TIPRL: variants seen among roughly 807,000 people sequenced by gnomAD.
TIPRL encodes TIP41-like protein.
A neutral mutation model predicts 32.3 loss-of-function variants in TIPRL; 10 were observed. The ratio of observed to expected loss-of-function variants is 0.31; its 90% CI spans 0.19 to 0.52. TIPRL has a LOEUF of 0.52. TIPRL is among the 20% of genes least tolerant of loss of function. The pLI is 0.96. For missense variants in TIPRL, 250 were observed against 328.1 expected (o/e 0.76, Z 1.84); for synonymous variants, 100 against 114.0 (o/e 0.88, Z 0.78).
chr1:168,198,985 A>C lies in TIPRL; in HGVS notation c.675+4A>C, dbSNP rs375564474. 7 of 1,607,402 alleles carry C rather than the reference A, an allele frequency of 4.4e-6. No homozygotes were observed. Among genetic ancestry groups the C allele is most frequent in the East Asian group, 2.2e-5 (1 of 44,672 alleles). ...AAGCAAAATTTCTAGTTTGATGGCAAGTACTTAAATTTCAGTTTTTAGAAG... is the reference window on the plus strand; with the variant it reads ...AAGCAAAATTTCTAGTTTGATGGCACGTACTTAAATTTCAGTTTTTAGAAG... On this transcript the variant is annotated splice_donor_region_variant and intron_variant, in intron 6 of 6. Transcript: ENST00000367833.
rs913855731 is a variant in TIPRL at position 168,201,497 on chromosome 1, T to C, written c.*1451T>C. On this transcript the variant is annotated 3_prime_UTR_variant, in exon 7 of 7. Transcript: ENST00000367833. The stretch of plus-strand genomic sequence containing the variant: ...AATTTGATATTTGTCTTCTGCCTTC[T>C]GTATCACCTCCAAGCTATAGGAAAT... 3.3e-5 allele frequency: 5 copies of C among 152,134 alleles called. No individual in the cohort carries two copies. Among genetic ancestry groups the C allele is most frequent in the Admixed American group, 6.5e-5 (1 of 15,270 alleles). 9.4% of individuals were successfully genotyped at this position (152,134 alleles called of 1,614,324 possible).
intron 1 of TIPRL, 78 bp downstream of exon 1, chr1:168,179,259 C>A: frequency 1.6e-6 from 2 of 1,288,342 alleles, no homozygotes; most frequent in African/African-American, 1.5e-5. Context: ...CTCTGTGCAG[C>A]CCCTCCCCTT....
intron 1 of TIPRL, among the ~76,000 whole-genome samples, chr1:168,180,183 G>T (rs900583677): frequency 6.6e-6 from 1 of 152,162 alleles, no homozygotes; most frequent in African/African-American, 2.4e-5. Context: ...TAAGAGAAAA[G>T]ATAGGTTTTA....
chr1:168,185,815 G>C (rs7516220), intron 3 of TIPRL, among the ~76,000 whole-genome samples: 4 of 148,394 alleles, frequency 2.7e-5, no homozygotes, highest in African/African-American at 7.5e-5. Context: ...AGTGGCTCAC[G>C]CCTGTAATCC....
intron 5 of TIPRL, among the ~76,000 whole-genome samples, chr1:168,197,908 TCTA>T (rs1263842119): frequency 2.0e-5 from 3 of 152,180 alleles, no homozygotes; most frequent in African/African-American, 4.8e-5. Context: ...TATATAATAA[TCTA>T]CTAATATTAA....
chr1:168,199,010 GTTAATT>G (rs1264264107), intron 6 of TIPRL, 29 bp downstream of exon 6: 1 of 1,561,782 alleles, frequency 6.4e-7, no homozygotes, highest in Non-Finnish European at 8.8e-7. Flanking sequence ...GTTTTTAGAA[GTTAATT>G]TTAATGTTTC....
chr1:168,196,136 CT>C (rs1239367314), intron 4 of TIPRL, among the ~76,000 whole-genome samples: 109 of 152,246 alleles, frequency 7.2e-4, no homozygotes, highest in African/African-American at 2.4e-3. Context: ...AGGTCTGTTG[CT>C]TTGTTTTATG....
chr1:168,196,844 T>A (rs1700159907), intron 5 of TIPRL, among the ~76,000 whole-genome samples: 1 of 152,240 alleles, frequency 6.6e-6, no homozygotes, highest in Non-Finnish European at 1.5e-5. Context: ...TTCTGGTGAC[T>A]CAAAATGTTT....
rs757566389 is a variant in TIPRL, at chr1:168,201,408, C to T, written c.*1362C>T. On this transcript the variant is annotated 3_prime_UTR_variant, in exon 7 of 7. Transcript: ENST00000367833. ...AACAAAACATATACACTTGGGTATC[C>T]GTCATTGCTCAAACTCTATAGTGTA... is the stretch of plus-strand genomic sequence containing the variant. 5.9e-5 allele frequency: 9 copies of T among 151,762 alleles called. No individual in the cohort carries two copies. The highest frequency in any genetic ancestry group is 1.0e-4 in the Non-Finnish European group (7 of 67,936). 9.4% of individuals were successfully genotyped at this position (151,762 alleles called of 1,614,324 possible). A position where few individuals can be genotyped will look rare whatever the true frequency, so the allele number is the denominator to read the frequency against.
chr1:168,187,905 G>A (rs764852745), intron 3 of TIPRL, among the ~76,000 whole-genome samples: 1 of 152,186 alleles, frequency 6.6e-6, no homozygotes, highest in Non-Finnish European at 1.5e-5. Flanking sequence ...CCAGGAAGGC[G>A]AGGCTGCAGT....
intron 3 of TIPRL, among the ~76,000 whole-genome samples, chr1:168,185,703 G>A (rs1408449289): frequency 1.3e-5 from 2 of 150,700 alleles, no homozygotes; most frequent in Non-Finnish European, 3.0e-5. Flanking sequence ...CCGGGAGGTG[G>A]AGGTTGCAGT....
At chr1:168,196,455 TTG>T (rs1334208713) in intron 4 of TIPRL, 90 bp from the exon 5 acceptor site, 2 of 821,546 alleles carry the variant, frequency 2.4e-6, no homozygotes, top group African/African-American at 3.6e-5. Flanking sequence ...CAGGGTTTTT[TTG>T]TTTTTTGTTT....
chr1:168,189,205 C>A (rs371695118), intron 3 of TIPRL, among the ~76,000 whole-genome samples: 5 of 151,966 alleles, frequency 3.3e-5, no homozygotes, highest in East Asian at 3.9e-4. Context: ...TCCAGTCTTT[C>A]CAGATCTCAG....
At chr1:168,188,745 G>A (rs909519355) in intron 3 of TIPRL, among the ~76,000 whole-genome samples, 3 of 152,062 alleles carry the variant, frequency 2.0e-5, no homozygotes, top group African/African-American at 7.2e-5. Context: ...TTAGGAGGCC[G>A]AGGCAGGCGG....
At position 168,178,979 on chromosome 1, in the gene TIPRL, G is replaced by A. The variant is rs1382574293; in HGVS notation, c.-99G>A. ...GGCCGGGCATGGTAACGGCTCGGAAGCCTAGGAGGCTGGGCCGGAGGGAGG... is the reference window on the plus strand; with the variant it reads ...GGCCGGGCATGGTAACGGCTCGGAAACCTAGGAGGCTGGGCCGGAGGGAGG... On this transcript the variant is annotated 5_prime_UTR_variant, in exon 1 of 7. Coordinates refer to ENST00000367833, the MANE Select transcript of TIPRL (RefSeq NM_152902.5). The A allele has an allele frequency of 3.6e-6, 4 of 1,102,010 alleles. No homozygotes were observed. Among genetic ancestry groups the A allele is most frequent in the Non-Finnish European group, 5.2e-6 (4 of 771,064 alleles). 68.3% of individuals were successfully genotyped at this position (1,102,010 alleles called of 1,614,324 possible).
intron 1 of TIPRL, among the ~76,000 whole-genome samples, chr1:168,181,332 C>G (rs974340329): frequency 2.0e-5 from 3 of 151,884 alleles, no homozygotes; most frequent in Non-Finnish European, 4.4e-5. Flanking sequence ...CCTGCCCAGC[C>G]TCCCAAGTAG....
At chr1:168,181,783 G>A (rs996584836) in intron 1 of TIPRL, among the ~76,000 whole-genome samples, 3 of 151,608 alleles carry the variant, frequency 2.0e-5, no homozygotes, top group South Asian at 2.1e-4. Context: ...GCCTGAGGCC[G>A]GGTGCGGTGA....
chr1:168,200,043 A>T lies in TIPRL; in HGVS notation c.816A>T (p.Glu272Asp). ...ACTCACAAAAAAGTACACAAGTGGA[A>T]TAAAATGTGATACAACATATACTCA... ...PADSQKSTQV[E>D] is the part of the protein sequence containing the mutation. Residue 272 changes from glutamate to aspartate, a missense_variant, in exon 7 of 7, where the codon GAA (glutamate) becomes GAT (aspartate). By Grantham distance (45) the Glu-to-Asp change is conservative. Transcript: ENST00000367833. The T allele has an allele frequency of 1.9e-6, 3 of 1,613,026 alleles. No individual in the cohort carries two copies. Among genetic ancestry groups the T allele is most frequent in the Non-Finnish European group, 2.5e-6 (3 of 1,179,574 alleles).
chr1:168,197,867 A>G (rs1342270299), intron 5 of TIPRL, among the ~76,000 whole-genome samples: 1 of 152,198 alleles, frequency 6.6e-6, no homozygotes, highest in Non-Finnish European at 1.5e-5. Flanking sequence ...ACAATATTGA[A>G]TTTTAGGAAT....
Sources: gnomAD v4.1 joint callset for allele counts (sites outside exome capture counted in the v4.1 genomes callset) on GRCh38, gnomAD v4.1.1 for gene constraint, MANE v1.5 for transcripts, NCBI Gene and HGNC (gene_info 2026-07-23, HGNC 2026-07-21) for gene names.